PLCH1: variants seen among roughly 807,000 people sequenced by gnomAD.
The protein encoded by PLCH1 is 1-phosphatidylinositol 4,5-bisphosphate phosphodiesterase eta-1.
A neutral mutation model predicts 126.7 loss-of-function variants in PLCH1; 60 were observed. That is an observed-to-expected ratio of 0.47 (90% confidence interval 0.38 to 0.59). The LOEUF (loss-of-function observed/expected upper bound fraction) is 0.59. Ranked by LOEUF, PLCH1 falls within the 20% of genes least tolerant of loss-of-function variation. The pLI is 0.00. For synonymous variants in PLCH1, 719 were observed against 734.9 expected, an observed-to-expected ratio of 0.98 and a Z score of 0.35; for missense variants, 1,723 against 2,040.0, an observed-to-expected ratio of 0.84 and a Z score of 2.99.
At position 155,494,365 on chromosome 3, in the gene PLCH1, G is replaced by T; in HGVS notation, c.2047C>A (p.Pro683Thr). The T allele has an allele frequency of 6.2e-7, 1 of 1,614,152 alleles. No homozygotes were observed. Among genetic ancestry groups the T allele is most frequent in the Non-Finnish European group, 8.5e-7 (1 of 1,180,002 alleles). Residue 683 changes from proline to threonine, a missense_variant, in exon 16 of 23, where the codon CCC becomes ACC. Transcript: ENST00000460012. ...AGCTGGCAGCCTGCGTTCCAGTAGG[G>T]GAGAGGGTTGAAGTTACTGGAATCA... ...RIDSSNFNPL[P>T]YWNAGCQLVA...
In PLCH1 at chr3:155,663,331, C is replaced by T. The variant is rs555459912; in HGVS notation, c.79+40815G>A. On this transcript the variant is annotated intron_variant, in intron 2 of 22. Coordinates refer to ENST00000460012, the MANE Select transcript of PLCH1 (RefSeq NM_014996.4). ...TCTCTTTTGTAACCTGTGATTTAAT[C>T]AATTTAGACAACTGCCTTTGGTTAG... 2.6e-5 allele frequency among the ~76,000 whole-genome samples: 4 copies of T among 152,294 alleles called. No individual in the cohort carries two copies. The South Asian group carries it at 8.3e-4, about 32-fold the overall frequency.
intron 4 of PLCH1, among the ~76,000 whole-genome samples, chr3:155,588,777 T>G (rs557330405): frequency 2.6e-5 from 4 of 152,274 alleles, no homozygotes; most frequent in Non-Finnish European, 4.4e-5. Flanking sequence ...TAGTCCTAAT[T>G]CTACTGCTTA....
At chr3:155,640,705 C>T (rs1341577895) in intron 2 of PLCH1, among the ~76,000 whole-genome samples, 4 of 152,094 alleles carry the variant, frequency 2.6e-5, no homozygotes, top group Non-Finnish European at 4.4e-5. Context: ...TCTTTGTCAC[C>T]AGCATCAGTT....
chr3:155,569,003 G>T (rs1226458652), intron 6 of PLCH1, among the ~76,000 whole-genome samples: 1 of 152,088 alleles, frequency 6.6e-6, no homozygotes, highest in Non-Finnish European at 1.5e-5. Flanking sequence ...ATAGTGGAGT[G>T]ATAAGGATTA....
At chr3:155,716,583 A>G (rs1559959651) in intron 1 of PLCH1, among the ~76,000 whole-genome samples, 1 of 152,164 alleles carries the variant, frequency 6.6e-6, no homozygotes, top group Non-Finnish European at 1.5e-5. Flanking sequence ...GAGCAAGAGA[A>G]TACGATGGGG....
At chr3:155,541,138 A>G (rs1724173528) in intron 10 of PLCH1, among the ~76,000 whole-genome samples, 1 of 152,202 alleles carries the variant, frequency 6.6e-6, no homozygotes, top group Non-Finnish European at 1.5e-5. Flanking sequence ...TAACTCAGGA[A>G]TGGAAAACAA....
At chr3:155,676,068 C>A in intron 2 of PLCH1, 1 of 1,501,314 alleles carries the variant, frequency 6.7e-7, no homozygotes, top group Non-Finnish European at 8.9e-7. Context: ...ACATTATTGG[C>A]AAGAGCAGTA....
intron 10 of PLCH1, among the ~76,000 whole-genome samples, chr3:155,525,530 C>G (rs1430457805): frequency 1.3e-5 from 2 of 152,166 alleles, no homozygotes; most frequent in East Asian, 1.9e-4. Context: ...TATAGCAGCT[C>G]AAAGGAACTA....
chr3:155,566,342 CATATATATACATAT>C lies in PLCH1; in HGVS notation c.866-1238_866-1225del, dbSNP rs1560177275. Among the ~76,000 whole-genome samples, 4 of 45,014 alleles carry C rather than the reference CATATATATACATAT, an allele frequency of 8.9e-5. 2 individuals carry two copies. Among genetic ancestry groups the C allele is most frequent in the African/African-American group, 2.6e-4 (4 of 15,298 alleles). 29.5% of individuals were successfully genotyped at this position (45,014 alleles called of 152,430 possible). A position where few individuals can be genotyped will look rare whatever the true frequency, so the allele number is the denominator to read the frequency against. On this transcript the variant is annotated intron_variant, in intron 7 of 22. Transcript: ENST00000460012. ...ATACATATATATACGTATATATACA[CATATATATACATAT>C]ATATACACACATATATATATGTGTG...
At chr3:155,737,804 TC>T (rs1212949471) in intron 1 of PLCH1, among the ~76,000 whole-genome samples, 2 of 89,782 alleles carry the variant, frequency 2.2e-5, no homozygotes, top group Non-Finnish European at 5.0e-5. Context: ...TCTTCCAAGT[TC>T]CCAGCAGAAA....
At chr3:155,676,322 G>C in intron 2 of PLCH1, 1 of 1,105,340 alleles carries the variant, frequency 9.0e-7, no homozygotes, top group Non-Finnish European at 1.1e-6. Flanking sequence ...CATCTGCTCG[G>C]GGCTGCCGCT....
intron 2 of PLCH1, among the ~76,000 whole-genome samples, chr3:155,628,241 ACT>A (rs1402581898): frequency 1.3e-5 from 2 of 150,876 alleles, no homozygotes; most frequent in Non-Finnish European, 2.9e-5. Flanking sequence ...AGCAGGAATG[ACT>A]CTCTGACCTC....
intron 1 of PLCH1, among the ~76,000 whole-genome samples, chr3:155,719,727 G>A (rs1186664768): frequency 6.6e-6 from 1 of 151,086 alleles, no homozygotes; most frequent in Non-Finnish European, 1.5e-5. Context: ...AATCCATCCA[G>A]GTTGCTGTAA....
intron 4 of PLCH1, among the ~76,000 whole-genome samples, chr3:155,592,806 T>A (rs185435990): frequency 1.3e-5 from 2 of 152,358 alleles, no homozygotes; most frequent in Non-Finnish European, 2.9e-5. Flanking sequence ...TTTGGTTGGT[T>A]GTTGTTTACC....
intron 1 of PLCH1, among the ~76,000 whole-genome samples, chr3:155,724,402 T>TTTTATAAATTTGGGAGCTCCAAA (rs1349846356): frequency 1.3e-5 from 2 of 152,172 alleles, no homozygotes; most frequent in African/African-American, 4.8e-5. Flanking sequence ...GTAGTAATTG[T>TTTTATAAATTTGGGAGCTCCAAA]TTTATAAATT....
Position 155,482,331 on chromosome 3 carries a change from T to G in PLCH1, c.3695A>C (p.His1232Pro). The G allele has an allele frequency of 6.2e-7, 1 of 1,614,188 alleles. No homozygotes were observed. The highest frequency in any genetic ancestry group is 8.5e-7 in the Non-Finnish European group (1 of 1,180,024). ...CTTGGATTTTCCCTTGCAAAAACCA[T>G]GCTTGATGGGCATTTTTAGGCCCAG... Reference protein sequence around the residue: ...PSLGLKMPIKHGFCKGKSKSS... With the variant: ...PSLGLKMPIKPGFCKGKSKSS... The change falls in exon 23 of 23, where the codon CAT becomes CCT. Residue 1232 changes from histidine (H) to proline (P), a missense_variant. His to Pro is a moderately conservative substitution (Grantham distance 77). Around this residue, in one of 2 missense-constraint regions of PLCH1, gnomAD observed 947 missense variants for 977.1 expected, o/e 0.97. Coordinates refer to ENST00000460012, the MANE Select transcript of PLCH1 (RefSeq NM_014996.4).
chr3:155,683,895 G>A (rs1446447845), intron 2 of PLCH1, among the ~76,000 whole-genome samples: 1 of 152,180 alleles, frequency 6.6e-6, no homozygotes, highest in Non-Finnish European at 1.5e-5. Flanking sequence ...GGGAGGTGGA[G>A]CTGGATGACT....
rs930132186 is a variant in PLCH1, at chr3:155,610,365, A to G, written c.80-13987T>C. On this transcript the variant is annotated intron_variant, in intron 2 of 22. Coordinates refer to ENST00000460012, the MANE Select transcript of PLCH1 (RefSeq NM_014996.4). ...AACAAGAGCAAAACTGCGTCTGGAGAAAAAAAAAAAAAAAAAAAAAAAAAC... is the reference window on the plus strand; with the variant it reads ...AACAAGAGCAAAACTGCGTCTGGAGGAAAAAAAAAAAAAAAAAAAAAAAAC... Among the ~76,000 whole-genome samples the G allele has an allele frequency of 1.2e-4, 9 of 74,120 alleles. No homozygotes were observed. The South Asian group carries it at 2.3e-3, about 19-fold the overall frequency. The allele number at this position is 74,120 out of a possible 152,430, so 48.6% of individuals were successfully genotyped here.
intron 1 of PLCH1, among the ~76,000 whole-genome samples, chr3:155,729,969 A>G (rs950504696): frequency 6.6e-6 from 1 of 152,076 alleles, no homozygotes; most frequent in African/African-American, 2.4e-5. Context: ...TATTCAGAAT[A>G]TAAGTCCTGA....
Sources: gnomAD v4.1 joint callset for allele counts (sites outside exome capture counted in the v4.1 genomes callset) on GRCh38, gnomAD v4.1.1 for gene constraint, gnomAD v4.1.1 regional missense constraint, MANE v1.5 for transcripts, NCBI Gene and HGNC (gene_info 2026-07-23, HGNC 2026-07-21) for gene names.